Variants in WWC2 observed in about 807,000 individuals in gnomAD.
The protein encoded by WWC2 is WW and C2 domain containing 2, also known as protein WWC2.
A neutral mutation model predicts 138.5 loss-of-function variants in WWC2; 101 were observed. The observed-to-expected ratio is 0.73, with a 90% CI of 0.62 to 0.86. The LOEUF (loss-of-function observed/expected upper bound fraction) is 0.86. Ranked by LOEUF, WWC2 falls within the 40% of genes least tolerant of loss-of-function variation. The pLI is 0.00. For missense variants in WWC2, 1,420 were observed against 1,419.4 expected (o/e 1.00, Z -0.01); for synonymous variants, 558 against 538.4 (o/e 1.04, Z -0.50).
intron 1 of WWC2, among the ~76,000 whole-genome samples, chr4:183,118,448 A>C (rs1325612047): frequency 6.6e-6 from 1 of 151,922 alleles, no homozygotes; most frequent in Non-Finnish European, 1.5e-5. Context: ...ATCTGATTCT[A>C]TGTTTTCCTA....
intron 1 of WWC2, among the ~76,000 whole-genome samples, chr4:183,156,610 G>A (rs368793858): frequency 1.3e-5 from 2 of 152,300 alleles, no homozygotes; most frequent in South Asian, 2.1e-4. Flanking sequence ...GGGATTACAG[G>A]TGTGAGCCAC....
intron 1 of WWC2, among the ~76,000 whole-genome samples, chr4:183,105,486 AAC>A (rs1163365486): frequency 6.6e-6 from 1 of 152,228 alleles, no homozygotes; most frequent in Non-Finnish European, 1.5e-5. Flanking sequence ...ATTAGCAGGA[AAC>A]AGTGTTAGCC....
Position 183,269,043 on chromosome 4 carries a change from CA to C in WWC2, c.2281del (p.Thr761GlnfsTer24), listed in dbSNP as rs1560877609. 1 of 1,613,874 alleles carries C rather than the reference CA, an allele frequency of 6.2e-7. No individual in the cohort carries two copies. Among genetic ancestry groups the C allele is most frequent in the Admixed American group, 1.7e-5 (1 of 60,012 alleles). On this transcript the variant is annotated frameshift_variant, in exon 15 of 23. Coordinates refer to ENST00000403733, the MANE Select transcript of WWC2 (RefSeq NM_024949.6). LOFTEE classifies it high-confidence loss of function. The part of the protein sequence containing the change: ...CLFRTKVHPP[T>X]ESILFNDVFR... ...TGTTTCGCACAAAAGTTCATCCGCC[CA>C]CAGAATCCATTTTATTCAATGATGT... is the stretch of plus-strand genomic sequence containing the variant.
intron 11 of WWC2, 74 bp from the exon 12 acceptor site, chr4:183,264,904 A>T: frequency 7.0e-7 from 1 of 1,423,750 alleles, no homozygotes; most frequent in Non-Finnish European, 9.3e-7. Flanking sequence ...TCATGACCAA[A>T]CTATGTATGT....
chr4:183,155,894 G>A (rs1733789878), intron 1 of WWC2, among the ~76,000 whole-genome samples: 1 of 152,118 alleles, frequency 6.6e-6, no homozygotes, highest in Non-Finnish European at 1.5e-5. Context: ...GGATTTTTCA[G>A]TCTGTTTTAC....
chr4:183,134,614 C>T (rs1423908856), intron 1 of WWC2, among the ~76,000 whole-genome samples: 2 of 151,884 alleles, frequency 1.3e-5, no homozygotes, highest in East Asian at 1.9e-4. Flanking sequence ...ATCTTGTTGC[C>T]TCTTGTTTGT....
intron 8 of WWC2, 138 bp downstream of exon 8, chr4:183,250,131 G>GC (rs1736931595): frequency 4.2e-6 from 3 of 707,072 alleles, no homozygotes; most frequent in Admixed American, 5.8e-5. Context: ...GCATGTCAGG[G>GC]CTGCTTCCTC....
intron 21 of WWC2, among the ~76,000 whole-genome samples, chr4:183,290,052 A>T (rs1234348177): frequency 6.6e-6 from 1 of 152,184 alleles, no homozygotes; most frequent in Admixed American, 6.5e-5. Flanking sequence ...TATCTTTTTA[A>T]GGTTCATTAA....
chr4:183,273,394 T>G (rs28767207), intron 16 of WWC2, among the ~76,000 whole-genome samples: 43,069 of 152,038 alleles, frequency 0.28, 6,554 homozygotes, highest in Middle Eastern at 0.43. Context: ...AACCTCTCCC[T>G]CCCAGGTTCA....
chr4:183,311,621 C>A (rs1739246491), intron 21 of WWC2, among the ~76,000 whole-genome samples: 1 of 147,058 alleles, frequency 6.8e-6, no homozygotes, highest in African/African-American at 2.5e-5. Flanking sequence ...ACTCTGTCGC[C>A]CAGGCTGGTG....
chr4:183,225,649 G>GA (rs1400490679), intron 4 of WWC2, among the ~76,000 whole-genome samples: 1 of 152,164 alleles, frequency 6.6e-6, no homozygotes, highest in African/African-American at 2.4e-5. Context: ...TAACTAACAG[G>GA]ATGAGAAGCC....
In WWC2 at chr4:183,317,905, C is replaced by T. The variant is rs1353367509; in HGVS notation, c.*2176C>T. The T allele has an allele frequency of 6.6e-6, 1 of 152,162 alleles. No individual in the cohort carries two copies. The highest frequency in any genetic ancestry group is 1.5e-5 in the Non-Finnish European group (1 of 68,026). The allele number at this position is 152,162 out of a possible 1,614,324, so 9.4% of individuals were successfully genotyped here. A position where few individuals can be genotyped will look rare whatever the true frequency, so the allele number is the denominator to read the frequency against. ...TTTCACAAAATTTCCTCATTTCTAA[C>T]ATGAGAGATGAACTTATTTTAATAT... On this transcript the variant is annotated 3_prime_UTR_variant, in exon 23 of 23. Transcript: ENST00000403733.
At chr4:183,300,654 G>A (rs1738805814) in intron 21 of WWC2, among the ~76,000 whole-genome samples, 2 of 152,000 alleles carry the variant, frequency 1.3e-5, no homozygotes, top group Admixed American at 6.5e-5. Context: ...TATAGATACA[G>A]ATATAAATAT....
At chr4:183,134,196 A>G (rs1733040058) in intron 1 of WWC2, among the ~76,000 whole-genome samples, 1 of 151,706 alleles carries the variant, frequency 6.6e-6, no homozygotes, top group East Asian at 1.9e-4. Context: ...TAGTTTTATT[A>G]TTCTTTCAAA....
At chr4:183,269,731 C>T (rs1320224509) in intron 15 of WWC2, 2 of 277,674 alleles carry the variant, frequency 7.2e-6, no homozygotes, top group African/African-American at 2.2e-5. Context: ...CTATATAGTA[C>T]CCTTATTCAC....
chr4:183,200,131 G>C (rs1373711351), intron 2 of WWC2, among the ~76,000 whole-genome samples: 2 of 152,144 alleles, frequency 1.3e-5, no homozygotes, highest in Non-Finnish European at 2.9e-5. Flanking sequence ...GTAATATGCG[G>C]TGTTTAAACC....
chr4:183,164,295 T>TGTATATATA (rs1425928346), intron 1 of WWC2, among the ~76,000 whole-genome samples: 5 of 10,406 alleles, frequency 4.8e-4, no homozygotes, highest in African/African-American at 1.9e-3. Flanking sequence ...TATATATATA[T>TGTATATATA]ATATACATAT....
intron 4 of WWC2, among the ~76,000 whole-genome samples, chr4:183,228,669 A>T (rs1269711547): frequency 6.6e-6 from 1 of 152,108 alleles, no homozygotes; most frequent in African/African-American, 2.4e-5. Flanking sequence ...CAAAAGACGA[A>T]CAATATGAAG....
chr4:183,229,856 C>T (rs1736189480), intron 4 of WWC2, among the ~76,000 whole-genome samples: 2 of 152,032 alleles, frequency 1.3e-5, no homozygotes, highest in Admixed American at 6.5e-5. Flanking sequence ...GACAGAGTCT[C>T]GCTCTTTCGC....
Sources: allele counts gnomAD v4.1 joint callset (sites outside exome capture counted in the v4.1 genomes callset), GRCh38; gene constraint gnomAD v4.1.1; transcripts MANE v1.5; gene names NCBI Gene and HGNC (gene_info 2026-07-23, HGNC 2026-07-21).